DOCK9: variants seen among roughly 807,000 people sequenced by gnomAD.
DOCK9 encodes dedicator of cytokinesis protein 9.
Under a neutral mutation model 263.3 loss-of-function variants are expected in DOCK9, and 89 were observed. The observed-to-expected ratio is 0.34, with a 90% CI of 0.28 to 0.40. DOCK9 has a LOEUF of 0.40. DOCK9 is among the 10% of genes least tolerant of loss of function. The pLI is 1.00. For synonymous variants in DOCK9, 976 were observed against 973.1 expected (o/e 1.00, Z -0.06); for missense variants, 2,140 against 2,603.4 (o/e 0.82, Z 3.87).
intron 13 of DOCK9, among the ~76,000 whole-genome samples, chr13:98,900,588 G>A (rs2048120986): frequency 6.6e-6 from 1 of 152,198 alleles, no homozygotes; most frequent in Non-Finnish European, 1.5e-5. Flanking sequence ...AAATGACGAT[G>A]TCTTCTGGGC....
chr13:98,845,819 G>A, intron 38 of DOCK9, 105 bp downstream of exon 38: 1 of 1,456,952 alleles, frequency 6.9e-7, no homozygotes. Flanking sequence ...CTTTGAGCTA[G>A]AAGAAAAATT....
chr13:98,918,846 C>A (rs1261302922), intron 7 of DOCK9, among the ~76,000 whole-genome samples: 2 of 152,120 alleles, frequency 1.3e-5, no homozygotes, highest in African/African-American at 2.4e-5. Context: ...AAACCCAACA[C>A]AGGAAGGAAG....
intron 1 of DOCK9, among the ~76,000 whole-genome samples, chr13:99,037,961 C>T (rs1888063337): frequency 6.6e-6 from 1 of 152,152 alleles, no homozygotes; most frequent in African/African-American, 2.4e-5. Flanking sequence ...AAGGACGGAT[C>T]ATAAAAGGCA....
chr13:98,943,857 T>C (rs2140638066), intron 2 of DOCK9, among the ~76,000 whole-genome samples: 1 of 152,302 alleles, frequency 6.6e-6, no homozygotes, highest in Non-Finnish European at 1.5e-5. Context: ...GGATAGGGGA[T>C]GAATGCTAGA....
intron 38 of DOCK9, among the ~76,000 whole-genome samples, chr13:98,843,472 G>A (rs1566684417): frequency 1.3e-5 from 2 of 152,230 alleles, no homozygotes; most frequent in Non-Finnish European, 2.9e-5. Context: ...GGAGGGAAAA[G>A]CTGAAGCCAT....
chr13:98,999,873 TAAG>T (rs1881930407), intron 1 of DOCK9, among the ~76,000 whole-genome samples: 1 of 152,154 alleles, frequency 6.6e-6, no homozygotes, highest in Non-Finnish European at 1.5e-5. Flanking sequence ...GGTTGAATGC[TAAG>T]GGTGAAAAGT....
chr13:98,810,820 T>G (rs947886011), intron 45 of DOCK9, among the ~76,000 whole-genome samples: 127 of 152,314 alleles, frequency 8.3e-4, no homozygotes, highest in African/African-American at 2.8e-3. Context: ...ACCCTTGAAC[T>G]TTGGAGGAAG....
At chr13:98,890,361 G>A (rs1363094557) in intron 15 of DOCK9, among the ~76,000 whole-genome samples, 1 of 152,166 alleles carries the variant, frequency 6.6e-6, no homozygotes, top group Non-Finnish European at 1.5e-5. Context: ...ACTCACGTGT[G>A]CAGCGCTTCT....
intron 30 of DOCK9, among the ~76,000 whole-genome samples, chr13:98,865,567 G>A (rs527657016): frequency 2.0e-5 from 3 of 152,300 alleles, no homozygotes; most frequent in South Asian, 2.1e-4. Context: ...AGCGAAGCCC[G>A]TCTTGCTACC....
chr13:98,864,249 C>A (rs1206828755), intron 30 of DOCK9, among the ~76,000 whole-genome samples: 2 of 152,164 alleles, frequency 1.3e-5, no homozygotes, highest in African/African-American at 4.8e-5. Context: ...ACTGGTAAAT[C>A]ACCAGCAAGC....
rs1302296343 is a variant in DOCK9, at chr13:98,861,119, A to C, written c.3580-597T>G. On this transcript the variant is annotated intron_variant, in intron 32 of 52. Coordinates refer to ENST00000682017, the MANE Select transcript of DOCK9 (RefSeq NM_001366683.2). ...TCTGAATTACTCTGGTTTGAAAAAC[A>C]GACAGGGCTAGAGAATACAAGTGTG... 2.6e-5 allele frequency among the ~76,000 whole-genome samples: 4 copies of C among 152,252 alleles called. No individual in the cohort carries two copies. In the East Asian group the frequency reaches 5.8e-4, roughly 22 times the overall value.
At chr13:99,000,449 A>G (rs1882066933) in intron 1 of DOCK9, among the ~76,000 whole-genome samples, 1 of 152,208 alleles carries the variant, frequency 6.6e-6, no homozygotes, top group Admixed American at 6.5e-5. Flanking sequence ...CTTGCTTGGC[A>G]GAGTAGCTTA....
At chr13:98,902,779 A>G (rs1428831579) in intron 11 of DOCK9, among the ~76,000 whole-genome samples, 193 bp downstream of exon 11, 1 of 152,212 alleles carries the variant, frequency 6.6e-6, no homozygotes. Context: ...AAAGCTGAGC[A>G]CAAACCTGCC....
rs1224980722 is a variant in DOCK9, at chr13:98,810,262, G to A, written c.5160C>T (p.Cys1720=). The A allele has an allele frequency of 8.7e-6, 14 of 1,613,750 alleles. No individual in the cohort carries two copies. The highest frequency in any genetic ancestry group is 2.2e-5 in the South Asian group (2 of 91,086). ...GCTCGGCTTTCCAGAGTCCATCTGC[G>A]CACTGCTCAAGGAGCTCCATCAGCA... The part of the protein sequence containing the change: ...EDVLMELLEQ[C]ADGLWKAERY... The change falls in exon 46 of 53, where the codon TGC becomes TGT. Residue 1720 remains cysteine (C), a synonymous_variant. Transcript: ENST00000682017.
rs530318643 is a variant in DOCK9, at chr13:98,848,529, C to T, written c.4061+63G>A. 58 of 1,550,486 alleles carry T rather than the reference C, an allele frequency of 3.7e-5. 1 individual carries two copies. In the South Asian group the frequency reaches 5.8e-4, roughly 16 times the overall value. ...GCCAACCGCCACTGATGACCAATCC[C>T]ACACAATCAGAGCCAGGCATCACAG... On this transcript the variant is annotated intron_variant, in intron 37 of 52. Coordinates refer to ENST00000682017, the MANE Select transcript of DOCK9 (RefSeq NM_001366683.2).
At position 98,867,554 on chromosome 13, in the gene DOCK9, T is replaced by C. The variant is rs746954304; in HGVS notation, c.3175-18A>G. 7.1e-7 allele frequency: 1 copy of C among 1,404,634 alleles called. No individual in the cohort carries two copies. The highest frequency in any genetic ancestry group is 1.2e-5 in the South Asian group (1 of 83,726). The allele number at this position is 1,404,634 out of a possible 1,614,324, so 87.0% of individuals were successfully genotyped here. A position where few individuals can be genotyped will look rare whatever the true frequency, so the allele number is the denominator to read the frequency against. ...AAGAGGGTCTGCAGGAAGAAGTGTG[T>C]AGTCATAAATACCTCACTGGATATT... On this transcript the variant is annotated intron_variant, in intron 29 of 52. Coordinates refer to ENST00000682017, the MANE Select transcript of DOCK9 (RefSeq NM_001366683.2).
chr13:98,926,540 A>G (rs1595382414), intron 3 of DOCK9, among the ~76,000 whole-genome samples: 1 of 152,326 alleles, frequency 6.6e-6, no homozygotes, highest in Admixed American at 6.5e-5. Flanking sequence ...ACCTACACAG[A>G]CTGCATTCAA....
At chr13:98,845,253 C>A in intron 38 of DOCK9, 1 of 1,073,596 alleles carries the variant, frequency 9.3e-7, no homozygotes, top group Admixed American at 2.6e-5. Context: ...GTTAGGAAGG[C>A]AAGATGAACA....
chr13:99,026,885 C>A (rs572141885), intron 1 of DOCK9, among the ~76,000 whole-genome samples: 43 of 151,708 alleles, frequency 2.8e-4, no homozygotes, highest in Non-Finnish European at 5.1e-4. Context: ...ACATAAAGAG[C>A]ACAGTGCAGA....
Sources: allele counts gnomAD v4.1 joint callset (sites outside exome capture counted in the v4.1 genomes callset), GRCh38; gene constraint gnomAD v4.1.1; transcripts MANE v1.5; gene names NCBI Gene and HGNC (gene_info 2026-07-23, HGNC 2026-07-21).